LAMA1: variants seen among roughly 807,000 people sequenced by gnomAD.
LAMA1 encodes the protein laminin subunit alpha 1.
In LAMA1, 219 loss-of-function variants were observed where a neutral mutation model predicts 348.7. The ratio of observed to expected loss-of-function variants is 0.63; its 90% confidence interval spans 0.56 to 0.70. The LOEUF (loss-of-function observed/expected upper bound fraction) is 0.70. Among genes scored for constraint, LAMA1 ranks in the 30% least tolerant of loss-of-function variants. The probability of loss-of-function intolerance (pLI) is 0.00; values close to 1 mark genes in which losing one functional copy is unlikely to be tolerated. For synonymous variants in LAMA1, 1,487 were observed against 1,491.0 expected, an observed-to-expected ratio of 1.00 and a Z score of 0.06; for missense variants, 3,744 against 3,888.0, an observed-to-expected ratio of 0.96 and a Z score of 0.99.
At chr18:7,008,121 T>C (rs1172470626) in intron 28 of LAMA1, among the ~76,000 whole-genome samples, 3 of 151,492 alleles carry the variant, frequency 2.0e-5, no homozygotes, top group Non-Finnish European at 4.4e-5. Flanking sequence ...GGCCATAGAG[T>C]GGTCAAATAC....
At chr18:7,028,855 G>C (rs2057956062) in intron 16 of LAMA1, among the ~76,000 whole-genome samples, 2 of 152,228 alleles carry the variant, frequency 1.3e-5, no homozygotes, top group African/African-American at 4.8e-5. Context: ...GGCTCGAAGG[G>C]AGCGGGGCTT....
At chr18:6,998,577 G>C (rs2057793214) in intron 32 of LAMA1, among the ~76,000 whole-genome samples, 1 of 152,142 alleles carries the variant, frequency 6.6e-6, no homozygotes, top group South Asian at 2.1e-4. Flanking sequence ...GGGGGTGTTT[G>C]TGCTTATAAC....
intron 5 of LAMA1, among the ~76,000 whole-genome samples, chr18:7,047,545 T>C (rs1441349364): frequency 1.3e-5 from 2 of 152,190 alleles, no homozygotes; most frequent in African/African-American, 2.4e-5. Context: ...GGAATCCCAA[T>C]GAAAATCTTA....
chr18:7,014,319 C>T (rs1437646365), intron 22 of LAMA1, among the ~76,000 whole-genome samples: 4 of 152,098 alleles, frequency 2.6e-5, no homozygotes, highest in South Asian at 2.1e-4. Flanking sequence ...ACAAGTCTAA[C>T]GAAATTACTG....
chr18:7,064,170 T>C (rs778382097), intron 3 of LAMA1, among the ~76,000 whole-genome samples: 5 of 152,124 alleles, frequency 3.3e-5, no homozygotes, highest in African/African-American at 9.7e-5. Context: ...TTTTTGTTTA[T>C]TTTGTTCTGA....
At chr18:7,008,139 C>A (rs1476597040) in intron 28 of LAMA1, among the ~76,000 whole-genome samples, 1 of 151,706 alleles carries the variant, frequency 6.6e-6, no homozygotes, top group African/African-American at 2.4e-5. Flanking sequence ...TACATAGAGA[C>A]CAAAAGGAGA....
intron 36 of LAMA1, among the ~76,000 whole-genome samples, chr18:6,987,802 A>G (rs1466547432): frequency 1.3e-5 from 2 of 152,228 alleles, no homozygotes; most frequent in Admixed American, 6.5e-5. Context: ...TAATGATATA[A>G]TTTTTAACGA....
chr18:7,115,349 T>G (rs1833290332), intron 1 of LAMA1, among the ~76,000 whole-genome samples: 1 of 152,198 alleles, frequency 6.6e-6, no homozygotes, highest in South Asian at 2.1e-4. Flanking sequence ...TTTTATGTGA[T>G]TGCCAGCTAT....
intron 3 of LAMA1, among the ~76,000 whole-genome samples, chr18:7,055,320 G>C (rs1243499414): frequency 6.6e-6 from 1 of 151,810 alleles, no homozygotes; most frequent in Non-Finnish European, 1.5e-5. Context: ...GGGTGTAGTG[G>C]CACATGCCTG....
intron 14 of LAMA1, among the ~76,000 whole-genome samples, chr18:7,033,942 G>T (rs1469593329): frequency 6.6e-6 from 1 of 151,966 alleles, no homozygotes; most frequent in Non-Finnish European, 1.5e-5. Flanking sequence ...CACCATGTTG[G>T]CCAGGCTGGT....
At chr18:6,978,794 C>T (rs686758) in intron 42 of LAMA1, among the ~76,000 whole-genome samples, 30,164 of 152,104 alleles carry the variant, frequency 0.2, 3,501 homozygotes, top group African/African-American at 0.32. Context: ...TGAAACATGT[C>T]CTCCACCTCC....
chr18:6,961,971 C>T lies in LAMA1; in HGVS notation c.7426G>A (p.Gly2476Arg). Residue 2476 changes from glycine to arginine, a missense_variant, in exon 52 of 63, where the codon GGA becomes AGA. Coordinates refer to ENST00000389658, the MANE Select transcript of LAMA1 (RefSeq NM_005559.4). ...TCCAGTAAACAGCCTTTTCTCACTC[C>T]ATAGGAATTTCTGAGTAAGTCAAAG... ...STFDLLRNSY[G>R]VRKGCLLEPI... 1.2e-6 allele frequency: 2 copies of T among 1,614,124 alleles called. No homozygotes were observed. The highest frequency in any genetic ancestry group is 1.7e-6 in the Non-Finnish European group (2 of 1,179,976).
chr18:6,977,164 A>G (rs1221224469), intron 44 of LAMA1, among the ~76,000 whole-genome samples: 1 of 152,222 alleles, frequency 6.6e-6, no homozygotes, highest in Non-Finnish European at 1.5e-5. Context: ...AGCCAGTGCC[A>G]TGTGCCATGG....
chr18:7,094,180 C>G (rs1435532151), intron 1 of LAMA1, among the ~76,000 whole-genome samples: 1 of 152,012 alleles, frequency 6.6e-6, no homozygotes, highest in Non-Finnish European at 1.5e-5. Flanking sequence ...TTCGATTTAA[C>G]AAGTTCCCAG....
At chr18:6,989,828 G>GC (rs879562672) in intron 36 of LAMA1, among the ~76,000 whole-genome samples, 1 of 152,110 alleles carries the variant, frequency 6.6e-6, no homozygotes, top group Non-Finnish European at 1.5e-5. Context: ...ACCTTCCTCA[G>GC]CCCCCCACAC....
chr18:7,021,709 T>C (rs2057916046), intron 19 of LAMA1, among the ~76,000 whole-genome samples: 1 of 150,370 alleles, frequency 6.7e-6, no homozygotes, highest in South Asian at 2.1e-4. Context: ...CTTTTTACTA[T>C]TGAAAAATGT....
At chr18:6,995,103 G>C (rs1461043332) in intron 34 of LAMA1, among the ~76,000 whole-genome samples, 1 of 152,202 alleles carries the variant, frequency 6.6e-6, no homozygotes, top group African/African-American at 2.4e-5. Flanking sequence ...ATGAAAGTCA[G>C]AGCCAAGAGA....
chr18:7,029,738 G>A (rs1329711086), intron 16 of LAMA1, among the ~76,000 whole-genome samples: 1 of 152,146 alleles, frequency 6.6e-6, no homozygotes, highest in Non-Finnish European at 1.5e-5. Flanking sequence ...TTACTGTGAT[G>A]CCATTCTCTT....
At chr18:7,091,907 C>T (rs1291129293) in intron 1 of LAMA1, among the ~76,000 whole-genome samples, 1 of 152,194 alleles carries the variant, frequency 6.6e-6, no homozygotes, top group East Asian at 1.9e-4. Flanking sequence ...TCTAACAGAA[C>T]ACCAGCACGA....
Sources: gnomAD v4.1 joint callset for allele counts (sites outside exome capture counted in the v4.1 genomes callset) on GRCh38, gnomAD v4.1.1 for gene constraint, MANE v1.5 for transcripts, NCBI Gene and HGNC (gene_info 2026-07-23, HGNC 2026-07-21) for gene names.